ADAMTS19: variants seen among roughly 807,000 people sequenced by gnomAD.
The protein encoded by ADAMTS19 is A disintegrin and metalloproteinase with thrombospondin motifs 19.
A neutral mutation model predicts 153.3 loss-of-function variants in ADAMTS19; 93 were observed. That is an observed-to-expected ratio of 0.61 (90% CI 0.51 to 0.72). The LOEUF is 0.72. ADAMTS19 is among the 30% of genes least tolerant of loss of function. The pLI is 0.00. For missense variants in ADAMTS19, 1,482 were observed against 1,552.1 expected, an observed-to-expected ratio of 0.95 and a Z score of 0.76; for synonymous variants, 600 against 556.6, an observed-to-expected ratio of 1.08 and a Z score of -1.10.
At chr5:129,501,153 T>C (rs747381587) in intron 2 of ADAMTS19, among the ~76,000 whole-genome samples, 23 of 152,124 alleles carry the variant, frequency 1.5e-4, no homozygotes, top group Non-Finnish European at 2.1e-4. Context: ...TACGTTTAAA[T>C]TCTGGTTGTA....
chr5:129,698,956 TA>T (rs1451815705), intron 19 of ADAMTS19, among the ~76,000 whole-genome samples: 1 of 152,100 alleles, frequency 6.6e-6, no homozygotes, highest in Non-Finnish European at 1.5e-5. Context: ...TTCTCAGAAA[TA>T]GAAACATAAA....
At chr5:129,540,322 T>G (rs1419690520) in intron 6 of ADAMTS19, among the ~76,000 whole-genome samples, 2 of 152,112 alleles carry the variant, frequency 1.3e-5, no homozygotes, top group East Asian at 1.9e-4. Flanking sequence ...AATTGTCCTG[T>G]GCAGTACAAT....
At chr5:129,577,098 A>G (rs1415097306) in intron 7 of ADAMTS19, among the ~76,000 whole-genome samples, 1 of 152,140 alleles carries the variant, frequency 6.6e-6, no homozygotes, top group Non-Finnish European at 1.5e-5. Context: ...TAGAGTTCCA[A>G]AAGTGTTCAC....
At chr5:129,698,007 G>A (rs142009265) in intron 19 of ADAMTS19, among the ~76,000 whole-genome samples, 4 of 152,172 alleles carry the variant, frequency 2.6e-5, no homozygotes, top group Non-Finnish European at 5.9e-5. Flanking sequence ...TGAAGGAGCA[G>A]AGTGTACAAT....
chr5:129,460,546 G>C, intron 1 of ADAMTS19, 64 bp downstream of exon 1: 2 of 1,588,866 alleles, frequency 1.3e-6, no homozygotes, highest in Non-Finnish European at 1.7e-6. Context: ...GCGAACGTAC[G>C]GGTCGGCAGG....
chr5:129,716,689 T>C (rs1756747099), intron 21 of ADAMTS19, among the ~76,000 whole-genome samples: 1 of 152,034 alleles, frequency 6.6e-6, no homozygotes, highest in South Asian at 2.1e-4. Context: ...CAGTTGCTCT[T>C]AATTCCCAAT....
chr5:129,603,128 C>G (rs558674441), intron 8 of ADAMTS19, among the ~76,000 whole-genome samples: 1 of 152,136 alleles, frequency 6.6e-6, no homozygotes, highest in East Asian at 1.9e-4. Context: ...TATCTGGATA[C>G]AAATCAGTAA....
chr5:129,625,251 G>C (rs1174361586), intron 10 of ADAMTS19, among the ~76,000 whole-genome samples: 1 of 152,168 alleles, frequency 6.6e-6, no homozygotes, highest in East Asian at 1.9e-4. Context: ...GGACATTTGG[G>C]TTGGTTCCAA....
At chr5:129,555,789 A>G (rs947949179) in intron 7 of ADAMTS19, among the ~76,000 whole-genome samples, 5 of 152,210 alleles carry the variant, frequency 3.3e-5, no homozygotes, top group Non-Finnish European at 7.4e-5. Context: ...CTTTTATAAC[A>G]TTGTATTTTT....
chr5:129,734,892 A>C (rs1025695400), intron 21 of ADAMTS19, 40 bp from the exon 22 acceptor site: 30 of 1,453,778 alleles, frequency 2.1e-5, no homozygotes, highest in Non-Finnish European at 2.7e-5. Flanking sequence ...CAAAAAATAA[A>C]AATAAAAAAG....
chr5:129,494,680 C>G (rs964237575), intron 2 of ADAMTS19, among the ~76,000 whole-genome samples: 3 of 152,194 alleles, frequency 2.0e-5, no homozygotes, highest in African/African-American at 7.2e-5. Flanking sequence ...TTGGTCTCTT[C>G]TTCCCCTGCA....
chr5:129,531,800 G>A (rs1471208792), intron 6 of ADAMTS19, among the ~76,000 whole-genome samples: 4 of 152,100 alleles, frequency 2.6e-5, no homozygotes, highest in Middle Eastern at 3.2e-3. Context: ...TTGGCAGAAA[G>A]TCATGCAAAT....
chr5:129,480,958 A>C (rs1310545199), intron 2 of ADAMTS19, among the ~76,000 whole-genome samples: 1 of 152,168 alleles, frequency 6.6e-6, no homozygotes, highest in Non-Finnish European at 1.5e-5. Context: ...ATAAAAGTGC[A>C]CCAGGAACTC....
At chr5:129,509,685 T>A (rs1751375246) in intron 3 of ADAMTS19, among the ~76,000 whole-genome samples, 1 of 152,018 alleles carries the variant, frequency 6.6e-6, no homozygotes, top group East Asian at 1.9e-4. Context: ...TAAAATCATT[T>A]TGGAGGTTAA....
chr5:129,569,194 A>T (rs1235031012), intron 7 of ADAMTS19, among the ~76,000 whole-genome samples: 2 of 152,152 alleles, frequency 1.3e-5, no homozygotes, highest in African/African-American at 2.4e-5. Flanking sequence ...GACTATTTAT[A>T]TCAGATGATG....
intron 17 of ADAMTS19, among the ~76,000 whole-genome samples, chr5:129,682,091 T>TG (rs1406141486): frequency 6.6e-6 from 1 of 152,142 alleles, no homozygotes; most frequent in African/African-American, 2.4e-5. Flanking sequence ...ACCTTAGTGT[T>TG]GGGTGGAGGG....
At chr5:129,561,818 T>C (rs938788007) in intron 7 of ADAMTS19, among the ~76,000 whole-genome samples, 2 of 130,492 alleles carry the variant, frequency 1.5e-5, no homozygotes, top group Admixed American at 1.6e-4. Context: ...CATTTCACCC[T>C]ACTATCTATC....
chr5:129,575,078 CTA>C (rs545294928), intron 7 of ADAMTS19, among the ~76,000 whole-genome samples: 54 of 151,910 alleles, frequency 3.6e-4, no homozygotes, highest in Non-Finnish European at 7.1e-4. Context: ...GAAATTATAA[CTA>C]TTTTCTTTAT....
intron 6 of ADAMTS19, among the ~76,000 whole-genome samples, chr5:129,545,178 T>A (rs1164234193): frequency 1.3e-5 from 2 of 151,572 alleles, no homozygotes; most frequent in Non-Finnish European, 2.9e-5. Flanking sequence ...TTTCAAAATA[T>A]GAGAATAAGA....
Sources: allele counts gnomAD v4.1 joint callset (sites outside exome capture counted in the v4.1 genomes callset), GRCh38; gene constraint gnomAD v4.1.1; transcripts MANE v1.5; gene names NCBI Gene and HGNC (gene_info 2026-07-23, HGNC 2026-07-21).